Variants in RANBP3L observed in about 807,000 individuals in gnomAD.
RANBP3L encodes the protein ran-binding protein 3-like.
In RANBP3L, 56 loss-of-function variants were observed where a neutral mutation model predicts 67.2. The observed-to-expected ratio is 0.83, with a 90% CI of 0.67 to 1.04. RANBP3L has a LOEUF of 1.04. RANBP3L is among the 50% of genes least tolerant of loss of function. The pLI, the probability that RANBP3L is intolerant of heterozygous loss-of-function variation, is 0.00. For synonymous variants in RANBP3L, 164 were observed against 181.4 expected (o/e 0.90, Z 0.77); for missense variants, 496 against 535.5 (o/e 0.93, Z 0.73).
chr5:36,277,720 T>A (rs1750692563), intron 1 of RANBP3L, among the ~76,000 whole-genome samples: 1 of 152,074 alleles, frequency 6.6e-6, no homozygotes, highest in African/African-American at 2.4e-5. Context: ...AAAGTTAGAT[T>A]CACTTCCCTC....
At chr5:36,251,550 A>C in intron 12 of RANBP3L, 51 bp from the exon 13 acceptor site, 1 of 1,398,828 alleles carries the variant, frequency 7.1e-7, no homozygotes, top group Non-Finnish European at 9.8e-7. Context: ...TGTTAGCTAC[A>C]TTTTACAGAT....
In RANBP3L at chr5:36,248,170, A is replaced by G. The variant is rs1218460831; in HGVS notation, c.*1484T>C. 2.0e-5 allele frequency among the ~76,000 whole-genome samples: 3 copies of G among 151,758 alleles called. No homozygotes were observed. Among genetic ancestry groups the G allele is most frequent in the Admixed American group, 6.6e-5 (1 of 15,238 alleles). Reference sequence around the variant, plus strand: ...GTACTAAATCTCTTTTTCCCCTTCTATCTTTTCTTCATCTCTCTCACATTT... The same window carrying G: ...GTACTAAATCTCTTTTTCCCCTTCTGTCTTTTCTTCATCTCTCTCACATTT... On this transcript the variant is annotated 3_prime_UTR_variant, in exon 14 of 14. Coordinates refer to ENST00000296604, the MANE Select transcript of RANBP3L (RefSeq NM_145000.5).
At chr5:36,291,359 T>A (rs889328785) in intron 1 of RANBP3L, among the ~76,000 whole-genome samples, 5 of 150,384 alleles carry the variant, frequency 3.3e-5, no homozygotes, top group African/African-American at 7.4e-5. Context: ...TTTATTTTTT[T>A]ATTTTTATTT....
At chr5:36,273,253 A>C (rs1431701880) in intron 1 of RANBP3L, among the ~76,000 whole-genome samples, 1 of 152,208 alleles carries the variant, frequency 6.6e-6, no homozygotes, top group Non-Finnish European at 1.5e-5. Flanking sequence ...GGCTTGATCT[A>C]AGCCTACACA....
chr5:36,275,207 G>A (rs1188489793), intron 1 of RANBP3L, among the ~76,000 whole-genome samples: 1 of 152,192 alleles, frequency 6.6e-6, no homozygotes, highest in African/African-American at 2.4e-5. Context: ...GAGGTACACT[G>A]TGGGTCAAGT....
Position 36,251,343 on chromosome 5 carries a change from C to G in RANBP3L, c.1324G>C (p.Asp442His), listed in dbSNP as rs779457084. Reference sequence around the variant, plus strand: ...CCATTTTTAGTGACTTGGATGAAATCATCCTCATTCTCATCACAGCTTTCG... The same window carrying G: ...CCATTTTTAGTGACTTGGATGAAATGATCCTCATTCTCATCACAGCTTTCG... ...NCESCDENED[D>H]FIQVTKNGSD... The change falls in exon 13 of 14, where the codon GAT (aspartate) becomes CAT (histidine). Residue 442 changes from aspartate to histidine, a missense_variant. Physicochemically the swap from Asp to His is moderately conservative, Grantham distance 81. Transcript: ENST00000296604. 6.2e-7 allele frequency: 1 copy of G among 1,612,530 alleles called. No individual in the cohort carries two copies. Among genetic ancestry groups the G allele is most frequent in the South Asian group, 1.1e-5 (1 of 90,766 alleles).
Position 36,260,646 on chromosome 5 carries a change from G to C in RANBP3L, c.669+134C>G. 3 of 546,308 alleles carry C rather than the reference G, an allele frequency of 5.5e-6. No homozygotes were observed. The South Asian group carries it at 7.7e-5, about 14-fold the overall frequency. The allele number at this position is 546,308 out of a possible 1,614,324, so 33.8% of individuals were successfully genotyped here. A position where few individuals can be genotyped will look rare whatever the true frequency, so the allele number is the denominator to read the frequency against. On this transcript the variant is annotated intron_variant, in intron 8 of 13. Coordinates refer to ENST00000296604, the MANE Select transcript of RANBP3L (RefSeq NM_145000.5). ...TCCCAGGAGAATCTTTCCAGTTAAA[G>C]AAAGAAAATGTGCGTTTGAACTCAG...
chr5:36,284,151 TC>T (rs1254398324), intron 1 of RANBP3L, among the ~76,000 whole-genome samples: 2 of 152,330 alleles, frequency 1.3e-5, no homozygotes, highest in East Asian at 3.9e-4. Flanking sequence ...TCCTTCTGAA[TC>T]AACTCACAGA....
intron 1 of RANBP3L, among the ~76,000 whole-genome samples, chr5:36,288,827 C>T (rs1751507418): frequency 6.6e-6 from 1 of 151,688 alleles, no homozygotes; most frequent in Non-Finnish European, 1.5e-5. Context: ...TTATCATGAG[C>T]TGTAAGAGTT....
chr5:36,283,161 A>T (rs774096750), intron 1 of RANBP3L, among the ~76,000 whole-genome samples: 2 of 152,018 alleles, frequency 1.3e-5, no homozygotes, highest in Non-Finnish European at 2.9e-5. Context: ...GAGTTCAAGT[A>T]ATTCTCGTGC....
chr5:36,278,617 C>T (rs1750761770), intron 1 of RANBP3L, among the ~76,000 whole-genome samples: 1 of 152,092 alleles, frequency 6.6e-6, no homozygotes, highest in African/African-American at 2.4e-5. Flanking sequence ...GTGGGATGTT[C>T]TGAGTAAGCT....
chr5:36,286,021 C>G (rs1358056995), intron 1 of RANBP3L, among the ~76,000 whole-genome samples: 1 of 152,168 alleles, frequency 6.6e-6, no homozygotes, highest in East Asian at 1.9e-4. Context: ...TGGTTACTGG[C>G]TGACTACACA....
Position 36,301,417 on chromosome 5 carries a change from G to C in RANBP3L, c.-1C>G. On this transcript the variant is annotated 5_prime_UTR_variant, in exon 1 of 14. Transcript: ENST00000296604. ...TGCCTTTTCTTGGTATGGTAGTCAT[G>C]GTCCTAGCAGTATGGCTGTGACTCA... The C allele has an allele frequency of 6.2e-7, 1 of 1,612,224 alleles. No homozygotes were observed. Among genetic ancestry groups the C allele is most frequent in the Non-Finnish European group, 8.5e-7 (1 of 1,178,968 alleles).
At position 36,260,738 on chromosome 5, in the gene RANBP3L, C is replaced by T. The variant is rs547601375; in HGVS notation, c.669+42G>A. ...ATTTACCTTTAGAAATTTAAAGTGACAGCTCTGTATATAGTAATAGAAACA... is the reference window on the plus strand; with the variant it reads ...ATTTACCTTTAGAAATTTAAAGTGATAGCTCTGTATATAGTAATAGAAACA... On this transcript the variant is annotated intron_variant, in intron 8 of 13. Coordinates refer to ENST00000296604, the MANE Select transcript of RANBP3L (RefSeq NM_145000.5). 10 of 789,896 alleles carry T rather than the reference C, an allele frequency of 1.3e-5. No homozygotes were observed. The East Asian group carries it at 2.7e-4, about 21-fold the overall frequency. 48.9% of individuals were successfully genotyped at this position (789,896 alleles called of 1,614,324 possible). A position where few individuals can be genotyped will look rare whatever the true frequency, so the allele number is the denominator to read the frequency against.
Position 36,265,519 on chromosome 5 carries a change from C to T in RANBP3L, c.270G>A (p.Val90=), listed in dbSNP as rs149987580. The part of the protein sequence containing the change: ...FHITDSQSQG[V]RKNNVFMTSA... Reference sequence around the variant, plus strand: ...ATGTCATAAAAACATTGTTTTTCCTCACTGTAAGAAAAAATATTTAAATTT... The same window carrying T: ...ATGTCATAAAAACATTGTTTTTCCTTACTGTAAGAAAAAATATTTAAATTT... Residue 90 remains valine (V), a splice_region_variant and synonymous_variant, in exon 5 of 14, where the codon GTG becomes GTA. Coordinates refer to ENST00000296604, the MANE Select transcript of RANBP3L (RefSeq NM_145000.5). The T allele has an allele frequency of 3.2e-6, 5 of 1,580,094 alleles. No individual in the cohort carries two copies. Among genetic ancestry groups the T allele is most frequent in the Admixed American group, 1.7e-5 (1 of 58,730 alleles).
chr5:36,269,533 G>C (rs545092940), intron 3 of RANBP3L, 66 bp from the exon 4 acceptor site: 1 of 936,526 alleles, frequency 1.1e-6, no homozygotes, highest in Non-Finnish European at 1.7e-6. Context: ...ACTCATGATA[G>C]GGTAGGATAA....
At chr5:36,267,605 C>T (rs562895440) in intron 4 of RANBP3L, among the ~76,000 whole-genome samples, 602 of 152,124 alleles carry the variant, frequency 4.0e-3, no homozygotes, top group Admixed American at 6.9e-3. Flanking sequence ...ATTTTTCTTT[C>T]TTAGTGGCAA....
chr5:36,284,662 C>T (rs1751201607), intron 1 of RANBP3L, among the ~76,000 whole-genome samples: 1 of 152,160 alleles, frequency 6.6e-6, no homozygotes, highest in Non-Finnish European at 1.5e-5. Context: ...ACATTGCTAT[C>T]TTTCTCATTT....
chr5:36,288,654 T>G (rs1269950112), intron 1 of RANBP3L, among the ~76,000 whole-genome samples: 1 of 152,192 alleles, frequency 6.6e-6, no homozygotes, highest in Non-Finnish European at 1.5e-5. Context: ...ATTTAAAATT[T>G]TAGCCATTCT....
Sources: allele counts gnomAD v4.1 joint callset (sites outside exome capture counted in the v4.1 genomes callset), GRCh38; gene constraint gnomAD v4.1.1; transcripts MANE v1.5; gene names NCBI Gene and HGNC (gene_info 2026-07-23, HGNC 2026-07-21).